The following CYP4F12 variants were observed in gnomAD, a reference collection of about 807,000 sequenced individuals.
The protein encoded by CYP4F12 is cytochrome P450 family 4 subfamily F member 12.
CYP4F12 carries 60 observed loss-of-function variants against 56.5 expected under a neutral mutation model. The ratio of observed to expected loss-of-function variants is 1.06; its 90% CI spans 0.86 to 1.32. CYP4F12 has a LOEUF of 1.32. CYP4F12 is among the 40% of genes most tolerant of loss of function. CYP4F12 has a pLI of 0.00. For missense variants in CYP4F12, 711 were observed against 683.5 expected (o/e 1.04, Z -0.45); for synonymous variants, 263 against 264.9 (o/e 0.99, Z 0.07).
chr19:15,677,162 T>C (rs1222023471), intron 2 of CYP4F12, among the ~76,000 whole-genome samples: 1 of 104,990 alleles, frequency 9.5e-6, no homozygotes, highest in Non-Finnish European at 1.9e-5. Context: ...CCCACACTCA[T>C]TCCTCTCCTC....
Position 15,697,002 on chromosome 19 carries a change from C to A in CYP4F12, c.1492C>A (p.Pro498Thr). ...CCGGTTCCTGCCAGACCACACTGAG[C>A]CCCGCAGGAAGCTGGAATTGATCAT... ...HFRFLPDHTE[P>T]RRKLELIMRA... The change falls in exon 13 of 13, where the codon CCC becomes ACC. Residue 498 changes from proline to threonine, a missense_variant. Pro to Thr is a conservative substitution (Grantham distance 38, BLOSUM62 -1). Transcript: ENST00000550308. 1 of 1,614,220 alleles carries A rather than the reference C, an allele frequency of 6.2e-7. No homozygotes were observed. Among genetic ancestry groups the A allele is most frequent in the Non-Finnish European group, 8.5e-7 (1 of 1,180,014 alleles).
chr19:15,696,519 G>A lies in CYP4F12; in HGVS notation c.1397+7G>A. On this transcript the variant is annotated splice_region_variant and intron_variant, in intron 12 of 12. Coordinates refer to ENST00000550308, the MANE Select transcript of CYP4F12 (RefSeq NM_023944.4). ...CTTTCTCCGCAGGGCCCAGGTAAGAGCGCCCTGTGTCTGAGGCAGGGATGG... is the reference window on the plus strand; with the variant it reads ...CTTTCTCCGCAGGGCCCAGGTAAGAACGCCCTGTGTCTGAGGCAGGGATGG... 6.2e-7 allele frequency: 1 copy of A among 1,612,152 alleles called. No individual in the cohort carries two copies.
In CYP4F12 at chr19:15,683,547, A is replaced by G; in HGVS notation, c.702A>G (p.Lys234=). Reference sequence around the variant, plus strand: ...TGGAGCTCAGTGCCCTTGTAGAGAAAAGAAGCCAGCATATCCTCCAGCACA... The same window carrying G: ...TGGAGCTCAGTGCCCTTGTAGAGAAGAGAAGCCAGCATATCCTCCAGCACA... ...TILELSALVE[K]RSQHILQHMD... The change falls in exon 7 of 13, where the codon AAA becomes AAG. Residue 234 remains lysine (K), a synonymous_variant. Transcript: ENST00000550308. 3.1e-6 allele frequency: 5 copies of G among 1,613,698 alleles called. No homozygotes were observed. The highest frequency in any genetic ancestry group is 4.2e-6 in the Non-Finnish European group (5 of 1,179,874).
intron 5 of CYP4F12, 168 bp downstream of exon 5, chr19:15,680,687 G>A (rs1446209727): frequency 2.2e-6 from 2 of 891,064 alleles, no homozygotes; most frequent in Non-Finnish European, 3.6e-6. Context: ...CTACTTGAAA[G>A]GTCATTTACT....
intron 9 of CYP4F12, among the ~76,000 whole-genome samples, chr19:15,692,704 T>C (rs2007925932): frequency 6.6e-6 from 1 of 152,180 alleles, no homozygotes; most frequent in South Asian, 2.1e-4. Context: ...AATTATTTCA[T>C]AGCGCCAGAG....
intron 2 of CYP4F12, among the ~76,000 whole-genome samples, chr19:15,674,645 C>G (rs1328917266): frequency 1.7e-5 from 1 of 60,408 alleles, no homozygotes; most frequent in African/African-American, 4.4e-5. Context: ...TCACTTTTTG[C>G]TCTCCCCACT....
Position 15,682,405 on chromosome 19 carries a change from T to C in CYP4F12, c.542T>C (p.Leu181Pro). The change falls in exon 6 of 13, where the codon CTG becomes CCG. Residue 181 changes from leucine to proline, a missense_variant. By Grantham distance (98) the Leu-to-Pro change is moderately conservative. Transcript: ENST00000550308. Reference sequence around the variant, plus strand: ...TCTGGCCAGGACAAGTGGCAGCACCTGGCCTCAGAGGGCAGCAGTCGTCTG... The same window carrying C: ...TCTGGCCAGGACAAGTGGCAGCACCCGGCCTCAGAGGGCAGCAGTCGTCTG... ...ANIMLDKWQH[L>P]ASEGSSRLDM... 6.2e-7 allele frequency: 1 copy of C among 1,613,280 alleles called. No individual in the cohort carries two copies. The highest frequency in any genetic ancestry group is 2.2e-5 in the East Asian group (1 of 44,862).
At position 15,673,624 on chromosome 19, in the gene CYP4F12, C is replaced by A; in HGVS notation, c.95C>A (p.Ala32Asp). Residue 32 changes from alanine (A) to aspartate (D), a missense_variant, in exon 2 of 13, where the codon GCC becomes GAC. Ala to Asp is a moderately radical substitution (Grantham distance 126). Coordinates refer to ENST00000550308, the MANE Select transcript of CYP4F12 (RefSeq NM_023944.4). Reference sequence around the variant, plus strand: ...CTGGTTGTGGGCTCCTGGCTACTCGCCCGCATCCTGGCTTGGACCTATGCC... The same window carrying A: ...CTGGTTGTGGGCTCCTGGCTACTCGACCGCATCCTGGCTTGGACCTATGCC... The part of the protein sequence containing the change: ...LLLVVGSWLL[A>D]RILAWTYAFY... 6.2e-7 allele frequency: 1 copy of A among 1,614,194 alleles called. No homozygotes were observed. Among genetic ancestry groups the A allele is most frequent in the Non-Finnish European group, 8.5e-7 (1 of 1,180,040 alleles).
rs769403666 is a variant in CYP4F12 at position 15,684,798 on chromosome 19, GTCT to G, written c.919-16_919-14del. On this transcript the variant is annotated splice_polypyrimidine_tract_variant and intron_variant, in intron 7 of 12. Coordinates refer to ENST00000550308, the MANE Select transcript of CYP4F12 (RefSeq NM_023944.4). ...TGTGTGTGTGTGTGTGTGTGTGTGTGTCTTGCTTTCTCTTCAGGATGAAGATGG... is the reference window on the plus strand; with the variant it reads ...TGTGTGTGTGTGTGTGTGTGTGTGTGTGCTTTCTCTTCAGGATGAAGATGG... 2 of 1,453,716 alleles carry G rather than the reference GTCT, an allele frequency of 1.4e-6. No individual in the cohort carries two copies. Among genetic ancestry groups the G allele is most frequent in the East Asian group, 4.5e-5 (2 of 44,224 alleles). The allele number at this position is 1,453,716 out of a possible 1,614,324, so 90.1% of individuals were successfully genotyped here.
intron 3 of CYP4F12, among the ~76,000 whole-genome samples, chr19:15,678,725 G>A (rs1317807019): frequency 6.6e-6 from 1 of 152,204 alleles, no homozygotes; most frequent in East Asian, 1.9e-4. Flanking sequence ...GGTGTCTGCT[G>A]GGGCAGGCTG....
At chr19:15,675,361 C>T (rs2006866869) in intron 2 of CYP4F12, among the ~76,000 whole-genome samples, 1 of 152,184 alleles carries the variant, frequency 6.6e-6, no homozygotes, top group Non-Finnish European at 1.5e-5. Flanking sequence ...GTGGGAGCTG[C>T]CATCCTGATG....
At chr19:15,692,306 A>G (rs894244841) in intron 9 of CYP4F12, among the ~76,000 whole-genome samples, 1 of 152,172 alleles carries the variant, frequency 6.6e-6, no homozygotes, top group Non-Finnish European at 1.5e-5. Context: ...ATTGTGTGAT[A>G]AAGTGTATGT....
chr19:15,680,319 G>A (rs2007216085), intron 4 of CYP4F12, 22 bp downstream of exon 4: 2 of 1,613,162 alleles, frequency 1.2e-6, no homozygotes, highest in South Asian at 2.2e-5. Flanking sequence ...CAGGTGAAAG[G>A]GGTTGGGGAC....
At chr19:15,693,182 T>C (rs1046034653) in intron 9 of CYP4F12, among the ~76,000 whole-genome samples, 3 of 151,096 alleles carry the variant, frequency 2.0e-5, no homozygotes, top group African/African-American at 7.3e-5. Flanking sequence ...TTAAAAAAAA[T>C]AATAACCTGG....
intron 7 of CYP4F12, chr19:15,684,556 G>T: frequency 2.4e-6 from 1 of 423,584 alleles, no homozygotes; most frequent in Non-Finnish European, 4.2e-6. Flanking sequence ...GCAGAAAAAT[G>T]AAAATATTCG....
intron 9 of CYP4F12, among the ~76,000 whole-genome samples, chr19:15,689,069 A>C (rs1194130694): frequency 5.3e-5 from 8 of 152,134 alleles, no homozygotes; most frequent in African/African-American, 1.9e-4. Context: ...AAGCAAATGC[A>C]ACAAAACCAA....
intron 9 of CYP4F12, 30 bp from the exon 10 acceptor site, chr19:15,695,906 A>G (rs2008107870): frequency 3.1e-6 from 5 of 1,593,188 alleles, no homozygotes; most frequent in Non-Finnish European, 4.3e-6. Flanking sequence ...TGTTCCCTTG[A>G]TAATGACTGG....
chr19:15,692,489 C>G (rs7247987), intron 9 of CYP4F12, among the ~76,000 whole-genome samples: 28,565 of 151,842 alleles, frequency 0.19, 2,858 homozygotes, highest in South Asian at 0.23. Flanking sequence ...AAATTCTATG[C>G]CCAGTGAACA....
At chr19:15,678,568 C>A in intron 3 of CYP4F12, 163 bp downstream of exon 3, 1 of 983,298 alleles carries the variant, frequency 1.0e-6, no homozygotes, top group Non-Finnish European at 1.5e-6. Flanking sequence ...GTTCTGGGCA[C>A]CACTGGGGCT....
Sources: gnomAD v4.1 joint callset for allele counts (sites outside exome capture counted in the v4.1 genomes callset) on GRCh38, gnomAD v4.1.1 for gene constraint, MANE v1.5 for transcripts, NCBI Gene and HGNC (gene_info 2026-07-23, HGNC 2026-07-21) for gene names.